GPC5: variants seen among roughly 807,000 people sequenced by gnomAD.
GPC5 encodes glypican 5.
In GPC5, 47 loss-of-function variants were observed where a neutral mutation model predicts 53.9. The ratio of observed to expected loss-of-function variants is 0.87; its 90% CI spans 0.69 to 1.11. GPC5 has a LOEUF of 1.11. Among genes scored for constraint, GPC5 ranks in the 50% most tolerant of loss-of-function variants. GPC5 has a pLI of 0.00. For synonymous variants in GPC5, 286 were observed against 263.3 expected (o/e 1.09, Z -0.84); for missense variants, 748 against 713.1 (o/e 1.05, Z -0.56).
chr13:92,023,270 T>C lies in GPC5; in HGVS notation c.1401+115213T>C, dbSNP rs566230804. ...CAAATCAAATTACATCATGAACAAT[T>C]GGAAGACGTCATAAATCAAACAGAA... is the stretch of plus-strand genomic sequence containing the variant. On this transcript the variant is annotated intron_variant, in intron 6 of 7. Transcript: ENST00000377067. Among the ~76,000 whole-genome samples, 401 of 152,236 alleles carry C rather than the reference T, an allele frequency of 2.6e-3. 3 individuals carry two copies. The highest frequency in any genetic ancestry group is 9.4e-3 in the African/African-American group (390 of 41,566).
At chr13:91,815,023 A>G (rs913829743) in intron 5 of GPC5, among the ~76,000 whole-genome samples, 2 of 152,132 alleles carry the variant, frequency 1.3e-5, no homozygotes, top group African/African-American at 4.8e-5. Context: ...TGCTAATTTT[A>G]TGAGACCAAT....
chr13:92,044,431 A>C (rs7327060), intron 6 of GPC5, among the ~76,000 whole-genome samples: 67,171 of 152,014 alleles, frequency 0.44, 15,186 homozygotes, highest in Admixed American at 0.52. Flanking sequence ...GAATCAGAAG[A>C]TGTCATCATA....
intron 2 of GPC5, among the ~76,000 whole-genome samples, chr13:91,565,048 G>A (rs1362231989): frequency 6.6e-6 from 1 of 151,598 alleles, no homozygotes; most frequent in African/African-American, 2.4e-5. Context: ...GGAGTGTAGT[G>A]GCGTGATCTT....
intron 7 of GPC5, among the ~76,000 whole-genome samples, chr13:92,333,887 G>A (rs1285398802): frequency 1.3e-5 from 2 of 152,020 alleles, no homozygotes; most frequent in Non-Finnish European, 2.9e-5. Context: ...ACATAAAGTA[G>A]ACAACATGAA....
chr13:92,724,021 CA>C, intron 7 of GPC5, among the ~76,000 whole-genome samples: 1 of 151,522 alleles, frequency 6.6e-6, no homozygotes, highest in South Asian at 2.1e-4. Context: ...CAAATATGAT[CA>C]TTTTTTGCTC....
intron 7 of GPC5, among the ~76,000 whole-genome samples, chr13:92,327,644 G>T (rs923409708): frequency 1.3e-4 from 20 of 152,054 alleles, no homozygotes; most frequent in Non-Finnish European, 2.5e-4. Context: ...ATTCACAGTG[G>T]TCTTTAGCAC....
chr13:92,285,423 A>G (rs980145927), intron 7 of GPC5, among the ~76,000 whole-genome samples: 2 of 152,184 alleles, frequency 1.3e-5, no homozygotes, highest in East Asian at 1.9e-4. Context: ...AAAAGAGCCC[A>G]CATTGCCAAC....
At chr13:92,001,430 A>T (rs2040552924) in intron 6 of GPC5, among the ~76,000 whole-genome samples, 1 of 152,200 alleles carries the variant, frequency 6.6e-6, no homozygotes, top group Non-Finnish European at 1.5e-5. Flanking sequence ...TCAAGATTCC[A>T]TTATAAATTG....
intron 6 of GPC5, among the ~76,000 whole-genome samples, chr13:92,138,659 G>T (rs1353259750): frequency 6.6e-6 from 1 of 152,168 alleles, no homozygotes; most frequent in East Asian, 1.9e-4. Context: ...GTTATTAAAG[G>T]TTTGTTGGGA....
intron 7 of GPC5, among the ~76,000 whole-genome samples, chr13:92,821,560 A>G (rs1287685590): frequency 2.0e-5 from 3 of 151,988 alleles, no homozygotes; most frequent in African/African-American, 7.3e-5. Context: ...TACAGCTGAC[A>G]TTGGAAGCCT....
intron 7 of GPC5, among the ~76,000 whole-genome samples, chr13:92,359,400 A>G (rs1220029940): frequency 1.3e-5 from 2 of 151,540 alleles, no homozygotes; most frequent in Non-Finnish European, 2.9e-5. Flanking sequence ...GAATTTCCAA[A>G]CTTTCCTTGA....
chr13:92,421,650 G>A (rs1266569492), intron 7 of GPC5, among the ~76,000 whole-genome samples: 1 of 135,804 alleles, frequency 7.4e-6, no homozygotes, highest in African/African-American at 2.9e-5. Context: ...AGTGAGCTGA[G>A]ATCGCGCCAC....
At chr13:92,401,447 C>T (rs1030325462) in intron 7 of GPC5, among the ~76,000 whole-genome samples, 4 of 151,920 alleles carry the variant, frequency 2.6e-5, no homozygotes, top group African/African-American at 9.7e-5. Flanking sequence ...GATTACTATC[C>T]AGCAATATAA....
chr13:92,075,671 T>A (rs1164825934), intron 6 of GPC5, among the ~76,000 whole-genome samples: 4 of 152,172 alleles, frequency 2.6e-5, no homozygotes, highest in Non-Finnish European at 5.9e-5. Context: ...TGACAAAAGA[T>A]TTCTCTATTG....
intron 5 of GPC5, among the ~76,000 whole-genome samples, chr13:91,784,805 T>G (rs745559905): frequency 6.6e-6 from 1 of 152,060 alleles, no homozygotes; most frequent in Admixed American, 6.5e-5. Context: ...CCATATGTGA[T>G]TTTTAGTTTA....
At chr13:92,271,645 A>C (rs1280989659) in intron 7 of GPC5, among the ~76,000 whole-genome samples, 1 of 152,204 alleles carries the variant, frequency 6.6e-6, no homozygotes, top group Non-Finnish European at 1.5e-5. Flanking sequence ...GCATAATGAT[A>C]TTCCTCTGAG....
At chr13:92,057,776 A>T (rs923140766) in intron 6 of GPC5, among the ~76,000 whole-genome samples, 1 of 152,284 alleles carries the variant, frequency 6.6e-6, no homozygotes, top group South Asian at 2.1e-4. Context: ...CCCTTACAAG[A>T]TATGAAATAT....
At chr13:91,836,044 TA>T (rs1308972089) in intron 5 of GPC5, among the ~76,000 whole-genome samples, 2 of 152,128 alleles carry the variant, frequency 1.3e-5, no homozygotes, top group East Asian at 1.9e-4. Context: ...AAGATAAAAA[TA>T]AATGCATTTA....
intron 5 of GPC5, among the ~76,000 whole-genome samples, chr13:91,884,278 T>G (rs2138956012): frequency 6.6e-6 from 1 of 152,322 alleles, no homozygotes; most frequent in African/African-American, 2.4e-5. Context: ...GAAATTGTTC[T>G]GTCATAAAGA....
Sources: gnomAD v4.1 joint callset for allele counts (sites outside exome capture counted in the v4.1 genomes callset) on GRCh38, gnomAD v4.1.1 for gene constraint, MANE v1.5 for transcripts, NCBI Gene and HGNC (gene_info 2026-07-23, HGNC 2026-07-21) for gene names.